Variants in EIF2AK2 observed in about 807,000 individuals in gnomAD.
EIF2AK2 encodes the protein interferon-induced, double-stranded RNA-activated protein kinase.
In EIF2AK2, 40 loss-of-function variants were observed where a neutral mutation model predicts 70.5. The observed-to-expected ratio is 0.57, with a 90% CI of 0.44 to 0.74. The LOEUF (loss-of-function observed/expected upper bound fraction) is 0.74. Ranked by LOEUF, EIF2AK2 falls within the 30% of genes least tolerant of loss-of-function variation. The probability of loss-of-function intolerance (pLI) is 0.00; values close to 1 mark genes in which losing one functional copy is unlikely to be tolerated. For missense variants in EIF2AK2, 555 were observed against 644.3 expected (o/e 0.86, Z 1.50); for synonymous variants, 198 against 220.9 (o/e 0.90, Z 0.92).
intron 14 of EIF2AK2, among the ~76,000 whole-genome samples, chr2:37,110,210 C>G (rs1036002014): frequency 4.0e-5 from 6 of 151,604 alleles, no homozygotes; most frequent in African/African-American, 1.5e-4. Flanking sequence ...AGCTGGGACT[C>G]CAGGCACGTG....
chr2:37,112,374 G>A (rs1674192176), intron 14 of EIF2AK2, among the ~76,000 whole-genome samples: 1 of 152,146 alleles, frequency 6.6e-6, no homozygotes, highest in Non-Finnish European at 1.5e-5. Flanking sequence ...GACTGATGGA[G>A]GACTCGAATA....
At chr2:37,109,107 G>A (rs1414017555) in intron 15 of EIF2AK2, 87 bp downstream of exon 15, 22 of 1,178,474 alleles carry the variant, frequency 1.9e-5, no homozygotes, top group South Asian at 2.7e-5. Context: ...CCATCCTCAC[G>A]TGAGGGCAAG....
chr2:37,148,097 C>G (rs1343786335), intron 2 of EIF2AK2, among the ~76,000 whole-genome samples: 1 of 152,172 alleles, frequency 6.6e-6, no homozygotes, highest in Non-Finnish European at 1.5e-5. Flanking sequence ...GTGGGCGGAT[C>G]ACCTGAGCTC....
At chr2:37,109,080 T>A in intron 15 of EIF2AK2, 114 bp downstream of exon 15, 1 of 806,446 alleles carries the variant, frequency 1.2e-6, no homozygotes, top group Non-Finnish European at 2.0e-6. Context: ...TGCAGTCAGA[T>A]ACTAATATGC....
chr2:37,125,423 C>T (rs561616064), intron 11 of EIF2AK2, among the ~76,000 whole-genome samples: 1 of 152,346 alleles, frequency 6.6e-6, no homozygotes, highest in South Asian at 2.1e-4. Context: ...ACCAATATAA[C>T]TTGATGGTAG....
chr2:37,108,020 C>A (rs1432844577), intron 15 of EIF2AK2, among the ~76,000 whole-genome samples: 1 of 151,970 alleles, frequency 6.6e-6, no homozygotes, highest in African/African-American at 2.4e-5. Context: ...GTGGTGCACG[C>A]CTGTAGTCCC....
At chr2:37,156,389 G>T (rs1675927200) in intron 1 of EIF2AK2, among the ~76,000 whole-genome samples, 1 of 152,168 alleles carries the variant, frequency 6.6e-6, no homozygotes, top group African/African-American at 2.4e-5. Flanking sequence ...GAGGTGTGGA[G>T]AAGAGGTAGG....
chr2:37,136,993 T>C lies in EIF2AK2; in HGVS notation c.712A>G (p.Lys238Glu). 1 of 1,603,818 alleles carries C rather than the reference T, an allele frequency of 6.2e-7. No individual in the cohort carries two copies. Among genetic ancestry groups the C allele is most frequent in the Non-Finnish European group, 8.5e-7 (1 of 1,176,504 alleles). Residue 238 changes from lysine (K) to glutamate (E), a missense_variant, in exon 9 of 17, where the codon AAG (lysine) becomes GAG (glutamate). Lys to Glu is a moderately conservative substitution (Grantham distance 56). Around this residue, in one of 3 missense-constraint regions of EIF2AK2, gnomAD observed 299 missense variants for 375.4 expected, o/e 0.80. Coordinates refer to ENST00000233057, the MANE Select transcript of EIF2AK2 (RefSeq NM_001135651.3). The part of the protein sequence containing the change: ...LMNGLRNNQR[K>E]AKRSLAPRFD... ...CATAATGATACTCACCTTTTTGCCT[T>C]CCTTTGATTATTTCTGAGACCATTC...
intron 1 of EIF2AK2, 107 bp downstream of exon 1, chr2:37,156,801 G>A (rs1276802250): frequency 1.9e-5 from 3 of 154,026 alleles, no homozygotes; most frequent in Non-Finnish European, 4.4e-5. Context: ...CCTGAGCTGG[G>A]GACGCAGGAT....
chr2:37,144,144 G>A (rs1043292245), intron 4 of EIF2AK2, among the ~76,000 whole-genome samples: 32 of 152,088 alleles, frequency 2.1e-4, no homozygotes, highest in African/African-American at 7.2e-4. Flanking sequence ...TCGCCATATT[G>A]CCCAGGATAA....
chr2:37,127,861 G>C (rs1202938166), intron 10 of EIF2AK2, among the ~76,000 whole-genome samples: 6 of 151,622 alleles, frequency 4.0e-5, no homozygotes, highest in African/African-American at 1.5e-4. Context: ...TCCTGCCTCA[G>C]CCTCCAAAGT....
At chr2:37,147,939 T>C (rs1675613331) in intron 2 of EIF2AK2, 117 bp from the exon 3 acceptor site, 1 of 578,720 alleles carries the variant, frequency 1.7e-6, no homozygotes, top group African/African-American at 1.8e-5. Context: ...AGGACTCATC[T>C]CAGTCTCACA....
At chr2:37,149,612 T>C (rs1675674066) in intron 1 of EIF2AK2, among the ~76,000 whole-genome samples, 1 of 152,122 alleles carries the variant, frequency 6.6e-6, no homozygotes, top group Non-Finnish European at 1.5e-5. Flanking sequence ...ACCAGTTTCC[T>C]TACCAGGAAG....
At chr2:37,117,991 T>C (rs1021960603) in intron 13 of EIF2AK2, among the ~76,000 whole-genome samples, 2 of 152,126 alleles carry the variant, frequency 1.3e-5, no homozygotes, top group South Asian at 4.1e-4. Flanking sequence ...TGAAAAGTTA[T>C]AGAAGATGAA....
In EIF2AK2 at chr2:37,139,688, T is replaced by C. The variant is rs753390918; in HGVS notation, c.459A>G (p.Ala153=). ...ATGCAAGTTTAGCGGCCAATTGTTTTGCTTCCTGTTTAGTAGAACCTGTAC... is the reference window on the plus strand; with the variant it reads ...ATGCAAGTTTAGCGGCCAATTGTTTCGCTTCCTGTTTAGTAGAACCTGTAC... ...SIGTGSTKQE[A]KQLAAKLAYL... is the part of the protein sequence containing the mutation. Residue 153 remains alanine (A), a synonymous_variant, in exon 6 of 17, where the codon GCA becomes GCG. Coordinates refer to ENST00000233057, the MANE Select transcript of EIF2AK2 (RefSeq NM_001135651.3). 1.2e-6 allele frequency: 2 copies of C among 1,614,164 alleles called. No individual in the cohort carries two copies. The highest frequency in any genetic ancestry group is 4.5e-5 in the East Asian group (2 of 44,870).
At chr2:37,123,228 T>C (rs1674617225) in intron 11 of EIF2AK2, among the ~76,000 whole-genome samples, 2 of 151,984 alleles carry the variant, frequency 1.3e-5, no homozygotes, top group South Asian at 4.1e-4. Context: ...TTAAAAATCA[T>C]CTGTAGTACT....
chr2:37,130,942 C>G (rs373922074), intron 10 of EIF2AK2, among the ~76,000 whole-genome samples: 1 of 152,204 alleles, frequency 6.6e-6, no homozygotes, highest in African/African-American at 2.4e-5. Context: ...CCTCTCCAAA[C>G]GTTTCATAGC....
At chr2:37,141,500 A>T (rs887225605) in intron 5 of EIF2AK2, 53 bp downstream of exon 5, 28 of 1,583,162 alleles carry the variant, frequency 1.8e-5, no homozygotes, top group African/African-American at 2.7e-5. Context: ...AAATAAACCA[A>T]CTTTATTGCT....
chr2:37,105,330 T>G lies in EIF2AK2; in HGVS notation c.*1943A>C, dbSNP rs923338833. The G allele has an allele frequency of 1.3e-5, 2 of 152,192 alleles. No homozygotes were observed. The highest frequency in any genetic ancestry group is 4.8e-5 in the African/African-American group (2 of 41,434). 9.4% of individuals were successfully genotyped at this position (152,192 alleles called of 1,614,324 possible). A position where few individuals can be genotyped will look rare whatever the true frequency, so the allele number is the denominator to read the frequency against. On this transcript the variant is annotated 3_prime_UTR_variant, in exon 17 of 17. Transcript: ENST00000233057. ...TGGGGGAAGACCCCTCATGAATACA[T>G]TAATGCCGTCCCTGGGGGTGGGGTG...
Sources: allele counts gnomAD v4.1 joint callset (sites outside exome capture counted in the v4.1 genomes callset), GRCh38; gene constraint gnomAD v4.1.1; regional missense constraint gnomAD v4.1.1; transcripts MANE v1.5; gene names NCBI Gene and HGNC (gene_info 2026-07-23, HGNC 2026-07-21).